The following CEP63 variants were observed in gnomAD, a reference collection of about 807,000 sequenced individuals.
CEP63 encodes the protein centrosomal protein 63, also known as centrosomal protein of 63 kDa.
CEP63 carries 84 observed loss-of-function variants against 89.1 expected under a neutral mutation model. The ratio of observed to expected loss-of-function variants is 0.94; its 90% CI spans 0.79 to 1.13. The LOEUF is 1.13. CEP63 is among the 50% of genes most tolerant of loss of function. The pLI, the probability that CEP63 is intolerant of heterozygous loss-of-function variation, is 0.00. For synonymous variants in CEP63, 267 were observed against 272.5 expected (o/e 0.98, Z 0.20); for missense variants, 838 against 813.3 (o/e 1.03, Z -0.37).
At chr3:134,680,802 A>G in the CEP63 span, among the ~76,000 whole-genome samples, 6 of 152,262 alleles carry the variant, frequency 3.9e-5, no homozygotes, top group African/African-American at 1.4e-4. Flanking sequence ...TGGAACTGCC[A>G]GCTGATGGAG....
At chr3:134,736,309 C>G in the CEP63 span, among the ~76,000 whole-genome samples, 2 of 152,074 alleles carry the variant, frequency 1.3e-5, no homozygotes, top group Non-Finnish European at 1.5e-5. Flanking sequence ...AAGAATGCCC[C>G]ATTCACCACT....
chr3:134,775,509 C>CAGAA, the CEP63 span, among the ~76,000 whole-genome samples: 1 of 152,142 alleles, frequency 6.6e-6, no homozygotes, highest in Non-Finnish European at 1.5e-5. Flanking sequence ...GGCAATTCTC[C>CAGAA]AGAACAGAGG....
chr3:134,758,648 T>G, the CEP63 span, among the ~76,000 whole-genome samples: 1 of 152,212 alleles, frequency 6.6e-6, no homozygotes, highest in South Asian at 2.1e-4. Context: ...GAATCTTTGT[T>G]CAGGGACACT....
chr3:134,754,985 G>C, the CEP63 span, among the ~76,000 whole-genome samples: 1 of 152,040 alleles, frequency 6.6e-6, no homozygotes, highest in Non-Finnish European at 1.5e-5. Flanking sequence ...TTCACTGCAG[G>C]TATCTTGGCC....
the CEP63 span, among the ~76,000 whole-genome samples, chr3:134,682,822 C>A: frequency 6.6e-6 from 1 of 152,152 alleles, no homozygotes; most frequent in Non-Finnish European, 1.5e-5. Flanking sequence ...GAAACTGAGG[C>A]ACAAATAAAT....
chr3:134,485,991 G>GCCCCCCCCCCCCCCCC (rs5852785), upstream of CEP63: 1 of 846,590 alleles, frequency 1.2e-6, no homozygotes, highest in African/African-American at 1.9e-5. Flanking sequence ...CTCCTGCCAC[G>GCCCCCCCCCCCCCCCC]CCCCCCCCCC....
chr3:134,516,175 G>A (rs1303343031), intron 3 of CEP63, among the ~76,000 whole-genome samples: 1 of 152,136 alleles, frequency 6.6e-6, no homozygotes, highest in Non-Finnish European at 1.5e-5. Context: ...TGGAGAGAAG[G>A]TCAGCAGACA....
At chr3:134,779,787 C>T in the CEP63 span, 1 of 152,202 alleles carries the variant, frequency 6.6e-6, no homozygotes, top group African/African-American at 2.4e-5. Flanking sequence ...CAGAAACTGA[C>T]TTGGAAAGAA....
At chr3:134,726,892 G>A in the CEP63 span, among the ~76,000 whole-genome samples, 20 of 152,206 alleles carry the variant, frequency 1.3e-4, no homozygotes, top group African/African-American at 4.3e-4. Flanking sequence ...GCCTTCTCCT[G>A]TTCCAGCCTG....
chr3:134,632,933 G>A, the CEP63 span, among the ~76,000 whole-genome samples: 13 of 152,028 alleles, frequency 8.6e-5, no homozygotes, highest in Middle Eastern at 3.4e-3. Context: ...GAGGGCTATC[G>A]CTACAGACCC....
chr3:134,691,481 G>A, the CEP63 span, among the ~76,000 whole-genome samples: 1 of 144,376 alleles, frequency 6.9e-6, no homozygotes, highest in Admixed American at 6.9e-5. Flanking sequence ...AGCTGGGTGT[G>A]GTGGTGTGTG....
the CEP63 span, among the ~76,000 whole-genome samples, chr3:134,601,634 C>T: frequency 3.9e-5 from 6 of 152,230 alleles, no homozygotes; most frequent in Non-Finnish European, 8.8e-5. Context: ...GTGTGAGTGA[C>T]ACGAGGCTGG....
the CEP63 span, among the ~76,000 whole-genome samples, chr3:134,754,915 G>A: frequency 7.9e-5 from 12 of 152,026 alleles, no homozygotes; most frequent in African/African-American, 2.9e-4. Flanking sequence ...GGACATTTGG[G>A]GGTCTCATGG....
At chr3:134,575,258 C>A (rs1577505676), downstream of CEP63, among the ~76,000 whole-genome samples, 1 of 92,416 alleles carries the variant, frequency 1.1e-5, no homozygotes, top group African/African-American at 4.1e-5. Context: ...TTCCTTCCTT[C>A]CTTGCTTCCC....
chr3:134,692,569 C>T, the CEP63 span, among the ~76,000 whole-genome samples: 1 of 152,182 alleles, frequency 6.6e-6, no homozygotes, highest in African/African-American at 2.4e-5. Flanking sequence ...CCTTTGTTTA[C>T]TCACGAGAGA....
the CEP63 span, among the ~76,000 whole-genome samples, chr3:134,687,099 C>T: frequency 6.6e-6 from 1 of 152,166 alleles, no homozygotes; most frequent in Non-Finnish European, 1.5e-5. Flanking sequence ...ACAAGACCCA[C>T]AATGGTCCTA....
chr3:134,747,142 A>G, the CEP63 span, among the ~76,000 whole-genome samples: 2 of 152,136 alleles, frequency 1.3e-5, no homozygotes, highest in East Asian at 1.9e-4. Flanking sequence ...TCTACATATG[A>G]CTAGCCAGTT....
chr3:134,511,728 A>G (rs905839742), intron 3 of CEP63, among the ~76,000 whole-genome samples: 3 of 152,044 alleles, frequency 2.0e-5, no homozygotes, highest in African/African-American at 7.2e-5. Context: ...GCAAAGGGGG[A>G]AGTGCTACAT....
chr3:134,605,643 C>A, the CEP63 span, among the ~76,000 whole-genome samples: 1 of 152,126 alleles, frequency 6.6e-6, no homozygotes, highest in East Asian at 1.9e-4. Context: ...CTGCCCACTC[C>A]GCACCTGCCC....
Sources: gnomAD v4.1 joint callset for allele counts (sites outside exome capture counted in the v4.1 genomes callset) on GRCh38, gnomAD v4.1.1 for gene constraint, MANE v1.5 for transcripts, NCBI Gene and HGNC (gene_info 2026-07-23, HGNC 2026-07-21) for gene names.